Variants in ZFP90 observed in about 807,000 individuals in gnomAD.
ZFP90 encodes zinc finger protein 90 homolog.
In ZFP90, 38 loss-of-function variants were observed where a neutral mutation model predicts 60.8. That is an observed-to-expected ratio of 0.62 (90% CI 0.48 to 0.82). The LOEUF is 0.82. ZFP90 is among the 40% of genes least tolerant of loss of function. ZFP90 has a pLI of 0.00. For missense variants in ZFP90, 711 were observed against 759.1 expected, an observed-to-expected ratio of 0.94 and a Z score of 0.74; for synonymous variants, 287 against 264.8, an observed-to-expected ratio of 1.08 and a Z score of -0.82.
At chr16:68,562,892 T>A in intron 4 of ZFP90, 152 bp from the exon 5 acceptor site, 2 of 1,516,212 alleles carry the variant, frequency 1.3e-6, no homozygotes, top group Non-Finnish European at 1.8e-6. Context: ...TCTTCACTTT[T>A]CCTTTTCTCC....
At chr16:68,548,868 G>A (rs1032601005) in intron 2 of ZFP90, among the ~76,000 whole-genome samples, 2 of 152,144 alleles carry the variant, frequency 1.3e-5, no homozygotes, top group African/African-American at 4.8e-5. Context: ...TTTGGCTGGT[G>A]CTTAAGAGGA....
intron 2 of ZFP90, among the ~76,000 whole-genome samples, chr16:68,544,289 A>G (rs2091106082): frequency 6.6e-6 from 1 of 152,224 alleles, no homozygotes; most frequent in Admixed American, 6.5e-5. Flanking sequence ...ACACACACCT[A>G]TAGTCCCAGC....
At chr16:68,541,366 G>GTTTTTTTTT in intron 2 of ZFP90, among the ~76,000 whole-genome samples, 1 of 151,658 alleles carries the variant, frequency 6.6e-6, no homozygotes. Flanking sequence ...GTAAAGATGG[G>GTTTTTTTTT]GTTTCTCCAG....
At chr16:68,535,237 C>A (rs2090951665), upstream of ZFP90, among the ~76,000 whole-genome samples, 1 of 152,162 alleles carries the variant, frequency 6.6e-6, no homozygotes, top group Non-Finnish European at 1.5e-5. Context: ...GTTTTTTGGA[C>A]CACCCAGGGA....
intron 2 of ZFP90, among the ~76,000 whole-genome samples, chr16:68,534,229 C>CTTT (rs1555496914): frequency 0.17 from 23,190 of 134,548 alleles, 3,108 homozygotes; most frequent in African/African-American, 0.25. Flanking sequence ...GATTTTCTTT[C>CTTT]TTTCTTTTTT....
In ZFP90 at chr16:68,558,548, T is replaced by C; in HGVS notation, c.236T>C (p.Ile79Thr). Residue 79 changes from isoleucine (I) to threonine (T), a missense_variant, in exon 4 of 5, where the codon ATC becomes ACC. Physicochemically the swap from Ile to Thr is moderately conservative, Grantham distance 89. Transcript: ENST00000563169. ...GEEPWISEGE[I>T]QRPFYPDWKT... ...GAGCCATGGATATCAGAGGGAGAAA[T>C]CCAACGACCTTTCTATCCAGGTAAA... The C allele has an allele frequency of 6.2e-7, 1 of 1,613,790 alleles. No individual in the cohort carries two copies. Among genetic ancestry groups the C allele is most frequent in the Non-Finnish European group, 8.5e-7 (1 of 1,179,904 alleles).
upstream of ZFP90, among the ~76,000 whole-genome samples, chr16:68,537,322 T>C (rs1645926): frequency 0.8 from 122,086 of 152,006 alleles, 49,220 homozygotes; most frequent in African/African-American, 0.87. Flanking sequence ...GATGGGGTTT[T>C]ACTATGTTGG....
rs2090993711 is a variant in ZFP90, at chr16:68,539,412, A to G, written c.-103A>G. 6.6e-6 allele frequency: 2 copies of G among 303,610 alleles called. No homozygotes were observed. Among genetic ancestry groups the G allele is most frequent in the Non-Finnish European group, 1.2e-5 (2 of 164,246 alleles). 18.8% of individuals were successfully genotyped at this position (303,610 alleles called of 1,614,324 possible). On this transcript the variant is annotated 5_prime_UTR_variant, in exon 1 of 5. Coordinates refer to ENST00000563169, the MANE Select transcript of ZFP90 (RefSeq NM_001305203.2). ...CCGAGGCTTCGGCGGGGGCGGGAGG[A>G]GCTGCCCGAGGCTCTGGGTGGGCCG... is the stretch of plus-strand genomic sequence containing the variant.
rs760099506 is a variant in ZFP90 at position 68,564,745 on chromosome 16, C to T, written c.*47C>T. On this transcript the variant is annotated 3_prime_UTR_variant, in exon 5 of 5. Coordinates refer to ENST00000563169, the MANE Select transcript of ZFP90 (RefSeq NM_001305203.2). ...TGCAGAATGCTTTAGCTAAAATGTTCTGATTCAGGATCAGAGGATTCTTAG... is the reference window on the plus strand; with the variant it reads ...TGCAGAATGCTTTAGCTAAAATGTTTTGATTCAGGATCAGAGGATTCTTAG... 2 of 1,545,994 alleles carry T rather than the reference C, an allele frequency of 1.3e-6. No homozygotes were observed. The highest frequency in any genetic ancestry group is 2.3e-5 in the East Asian group (1 of 44,424).
At chr16:68,559,275 A>G (rs993293580) in intron 4 of ZFP90, among the ~76,000 whole-genome samples, 1 of 151,964 alleles carries the variant, frequency 6.6e-6, no homozygotes, top group Non-Finnish European at 1.5e-5. Context: ...TATTTGTACC[A>G]TGGTTACTTT....
chr16:68,556,965 G>T (rs2091354020), intron 2 of ZFP90, among the ~76,000 whole-genome samples: 1 of 152,192 alleles, frequency 6.6e-6, no homozygotes, highest in Non-Finnish European at 1.5e-5. Context: ...GCATGCGACA[G>T]CCTGGTGAGC....
Position 68,565,734 on chromosome 16 carries a change from T to C in ZFP90, c.*1036T>C, listed in dbSNP as rs1247642900. Reference sequence around the variant, plus strand: ...CCCGTTAATTTTCTTGCAGAAAAGTTAAGTCTAATTGCCCATTGCCATAAA... The same window carrying C: ...CCCGTTAATTTTCTTGCAGAAAAGTCAAGTCTAATTGCCCATTGCCATAAA... On this transcript the variant is annotated 3_prime_UTR_variant, in exon 5 of 5. Coordinates refer to ENST00000563169, the MANE Select transcript of ZFP90 (RefSeq NM_001305203.2). 1 of 841,684 alleles carries C rather than the reference T, an allele frequency of 1.2e-6. No individual in the cohort carries two copies. The highest frequency in any genetic ancestry group is 1.3e-6 in the Non-Finnish European group (1 of 765,392). 52.1% of individuals were successfully genotyped at this position (841,684 alleles called of 1,614,324 possible). A position where few individuals can be genotyped will look rare whatever the true frequency, so the allele number is the denominator to read the frequency against.
Position 68,563,321 on chromosome 16 carries a change from A to G in ZFP90, c.534A>G (p.Ala178=), listed in dbSNP as rs2091465210. 3.1e-6 allele frequency: 5 copies of G among 1,614,228 alleles called. No individual in the cohort carries two copies. Among genetic ancestry groups the G allele is most frequent in the Non-Finnish European group, 4.2e-6 (5 of 1,180,036 alleles). ...TGGTTACACAACTGAACATTCCTGCAAGAATAAGGCCTAGTGAATGTGAGA... is the reference window on the plus strand; with the variant it reads ...TGGTTACACAACTGAACATTCCTGCGAGAATAAGGCCTAGTGAATGTGAGA... The part of the protein sequence containing the change: ...TNLVTQLNIP[A]RIRPSECETL... The change falls in exon 5 of 5, where the codon GCA becomes GCG. Residue 178 remains alanine (A), a synonymous_variant. Coordinates refer to ENST00000563169, the MANE Select transcript of ZFP90 (RefSeq NM_001305203.2).
intron 2 of ZFP90, among the ~76,000 whole-genome samples, chr16:68,573,606 G>A (rs1467042221): frequency 6.6e-6 from 1 of 152,226 alleles, no homozygotes; most frequent in African/African-American, 2.4e-5. Flanking sequence ...GGAGTGGGAA[G>A]GCATTTTAAG....
At chr16:68,539,571 AG>A (rs775099348) in intron 1 of ZFP90, 92 bp downstream of exon 1, 10 of 537,744 alleles carry the variant, frequency 1.9e-5, no homozygotes, top group East Asian at 1.3e-4. Context: ...GCGTGGCCGG[AG>A]GGGGGTGTCC....
intron 2 of ZFP90, among the ~76,000 whole-genome samples, chr16:68,552,472 G>C (rs981531410): frequency 1.5e-4 from 23 of 152,160 alleles, no homozygotes; most frequent in Admixed American, 2.0e-4. Flanking sequence ...CAGACCTGGG[G>C]TACGAATGGG....
rs1470976759 is a variant in ZFP90, at chr16:68,563,778, A to G, written c.991A>G (p.Ile331Val). The change falls in exon 5 of 5, where the codon ATT becomes GTT. Residue 331 changes from isoleucine to valine, a missense_variant. Around this residue, in one of 5 missense-constraint regions of ZFP90, gnomAD observed 146 missense variants for 201.4 expected, o/e 0.73. Coordinates refer to ENST00000563169, the MANE Select transcript of ZFP90 (RefSeq NM_001305203.2). ...RSSSLVQHQR[I>V]HTGEKPYRCN... ...CTCCTCCCTTGTTCAACACCAGCGA[A>G]TTCACACTGGAGAGAAACCCTATCG... 1 of 1,614,036 alleles carries G rather than the reference A, an allele frequency of 6.2e-7. No homozygotes were observed. Among genetic ancestry groups the G allele is most frequent in the Non-Finnish European group, 8.5e-7 (1 of 1,180,024 alleles).
At position 68,542,389 on chromosome 16, in the gene ZFP90, G is replaced by A. The variant is rs561009851; in HGVS notation, c.33+2564G>A. Among the ~76,000 whole-genome samples the A allele has an allele frequency of 4.5e-4, 69 of 152,108 alleles. 1 individual carries two copies. Among genetic ancestry groups the A allele is most frequent in the Admixed American group, 6.5e-5 (1 of 15,272 alleles). On this transcript the variant is annotated intron_variant, in intron 2 of 4. Transcript: ENST00000563169. ...GCGGATCACTTGAGGTCAGGAGTTC[G>A]AGACCAGCCTGGCCAACATGGTGAA...
At position 68,565,932 on chromosome 16, in the gene ZFP90, C is replaced by A; in HGVS notation, c.*1234C>A. ...TTGAACCCAGGAGTTCAAGACCAGC[C>A]TGGACAACATGGTGAAACCCCATCT... is the stretch of plus-strand genomic sequence containing the variant. On this transcript the variant is annotated 3_prime_UTR_variant, in exon 5 of 5. Transcript: ENST00000563169. The A allele has an allele frequency of 1.2e-6, 1 of 836,248 alleles. No homozygotes were observed. The highest frequency in any genetic ancestry group is 1.4e-6 in the Non-Finnish European group (1 of 694,526). 51.8% of individuals were successfully genotyped at this position (836,248 alleles called of 1,614,324 possible).
Sources: gnomAD v4.1 joint callset for allele counts (sites outside exome capture counted in the v4.1 genomes callset) on GRCh38, gnomAD v4.1.1 for gene constraint, gnomAD v4.1.1 regional missense constraint, MANE v1.5 for transcripts, NCBI Gene and HGNC (gene_info 2026-07-23, HGNC 2026-07-21) for gene names.